WNK2: variants seen among roughly 807,000 people sequenced by gnomAD.
WNK2 encodes the protein WNK lysine deficient protein kinase 2.
Under a neutral mutation model 192.1 loss-of-function variants are expected in WNK2, and 67 were observed. The ratio of observed to expected loss-of-function variants is 0.35; its 90% CI spans 0.29 to 0.43. WNK2 has a LOEUF of 0.43. Ranked by LOEUF, WNK2 falls within the 20% of genes least tolerant of loss-of-function variation. The pLI, the probability that WNK2 is intolerant of heterozygous loss-of-function variation, is 1.00. For synonymous variants in WNK2, 1,439 were observed against 1,393.9 expected (o/e 1.03, Z -0.72); for missense variants, 2,698 against 3,089.7 (o/e 0.87, Z 3.01).
At chr9:93,237,768 G>A (rs111814871) in intron 5 of WNK2, among the ~76,000 whole-genome samples, 90 of 152,302 alleles carry the variant, frequency 5.9e-4, no homozygotes, top group African/African-American at 1.9e-3. Context: ...TTCTTCACCC[G>A]GCCCTGTGGC....
At chr9:93,264,985 C>G (rs1443108944) in intron 16 of WNK2, among the ~76,000 whole-genome samples, 1 of 152,254 alleles carries the variant, frequency 6.6e-6, no homozygotes, top group Non-Finnish European at 1.5e-5. Context: ...TCGTGAAAGC[C>G]TCATGTGGGC....
At chr9:93,281,363 G>C (rs1484669097) in intron 19 of WNK2, among the ~76,000 whole-genome samples, 1 of 88,120 alleles carries the variant, frequency 1.1e-5, no homozygotes, top group Non-Finnish European at 2.7e-5. Context: ...CAAAGAATTA[G>C]AAACTATGCC....
At position 93,299,089 on chromosome 9, in the gene WNK2, C is replaced by G; in HGVS notation, c.5943C>G (p.Ser1981Arg). ...GCCCAGGTCACTTGGCTGACTCCAG[C>G]AGAGGCCCTCCCGCTAAGGACCCTG... ...ASSTGHLADS[S>R]RGPPAKDPAQ... Residue 1981 changes from serine (S) to arginine (R), a missense_variant, in exon 25 of 30, where the codon AGC becomes AGG. Around this residue, in one of 7 missense-constraint regions of WNK2, gnomAD observed 1,098 missense variants for 1,101.0 expected, o/e 1.00. Transcript: ENST00000427277. 6.2e-7 allele frequency: 1 copy of G among 1,610,640 alleles called. No individual in the cohort carries two copies. The highest frequency in any genetic ancestry group is 8.5e-7 in the Non-Finnish European group (1 of 1,179,478).
intron 8 of WNK2, among the ~76,000 whole-genome samples, chr9:93,248,626 A>G (rs1465901563): frequency 6.6e-6 from 1 of 152,134 alleles, no homozygotes; most frequent in Non-Finnish European, 1.5e-5. Context: ...TCTCCCTTCT[A>G]AGGCAGAACC....
At chr9:93,189,069 A>C (rs1329929453) in intron 2 of WNK2, among the ~76,000 whole-genome samples, 2 of 152,204 alleles carry the variant, frequency 1.3e-5, no homozygotes, top group African/African-American at 2.4e-5. Context: ...CCCCAGGTTG[A>C]GAAAACATAG....
At position 93,295,708 on chromosome 9, in the gene WNK2, C is replaced by T. The variant is rs114423251; in HGVS notation, c.5709-2145C>T. ...CCCCATCCTCTCCTCTCCATCCTCC[C>T]GTCACCATCCTCCCCTCACCTTCCT... On this transcript the variant is annotated intron_variant, in intron 23 of 29. Transcript: ENST00000427277. Among the ~76,000 whole-genome samples the T allele has an allele frequency of 7.9e-3, 1,192 of 151,452 alleles. 18 individuals carry two copies. Among genetic ancestry groups the T allele is most frequent in the African/African-American group, 0.027 (1,128 of 41,112 alleles).
At chr9:93,270,710 C>A (rs1845877555) in intron 19 of WNK2, among the ~76,000 whole-genome samples, 1 of 152,174 alleles carries the variant, frequency 6.6e-6, no homozygotes, top group South Asian at 2.1e-4. Flanking sequence ...AGAGAGAGAA[C>A]CCCTCCCCAT....
chr9:93,201,396 C>G (rs992100124), intron 2 of WNK2, among the ~76,000 whole-genome samples: 4 of 152,222 alleles, frequency 2.6e-5, no homozygotes, highest in African/African-American at 7.2e-5. Flanking sequence ...TGCGTGCCTT[C>G]CTGGTTGGGG....
At chr9:93,267,171 T>C (rs1361985313) in intron 16 of WNK2, 1 of 153,056 alleles carries the variant, frequency 6.5e-6, no homozygotes, top group Non-Finnish European at 1.5e-5. Context: ...CAGGCCACGC[T>C]TGCCTGTGTG....
At chr9:93,186,188 G>A (rs1829302480) in intron 2 of WNK2, among the ~76,000 whole-genome samples, 1 of 152,210 alleles carries the variant, frequency 6.6e-6, no homozygotes, top group Admixed American at 6.5e-5. Flanking sequence ...GAGCTCTGGG[G>A]ACAGCTGGGC....
At chr9:93,320,317 G>A (rs1261831616) in intron 29 of WNK2, 50 bp from the exon 30 acceptor site, 2 of 1,366,890 alleles carry the variant, frequency 1.5e-6, no homozygotes, top group African/African-American at 3.0e-5. Context: ...CTTGGCGAGT[G>A]GCCAGCACTG....
chr9:93,289,126 C>T lies in WNK2; in HGVS notation c.4372C>T (p.Pro1458Ser). Reference protein sequence around the residue: ...PLVVGLAPCTPAPEAASTRDA... With the variant: ...PLVVGLAPCTSAPEAASTRDA... The stretch of plus-strand genomic sequence containing the variant: ...CGTGGTGGGCCTAGCACCTTGCACT[C>T]CAGCTCCAGAGGCTGCCTCAACCAG... The change falls in exon 20 of 30, where the codon CCA becomes TCA. Residue 1458 changes from proline (P) to serine (S), a missense_variant. Physicochemically the swap from Pro to Ser is moderately conservative, Grantham distance 74. Transcript: ENST00000427277. 1 of 1,603,584 alleles carries T rather than the reference C, an allele frequency of 6.2e-7. No individual in the cohort carries two copies.
chr9:93,218,751 G>C (rs976457296), intron 2 of WNK2, among the ~76,000 whole-genome samples: 2 of 152,240 alleles, frequency 1.3e-5, no homozygotes, highest in East Asian at 1.9e-4. Flanking sequence ...GTCCATGTTG[G>C]GGGTGTGTGT....
chr9:93,224,359 G>A (rs531269911), intron 2 of WNK2, among the ~76,000 whole-genome samples: 20 of 152,222 alleles, frequency 1.3e-4, no homozygotes, highest in South Asian at 2.1e-4. Flanking sequence ...TGGCCCTGAA[G>A]TGTCATAGGA....
In WNK2 at chr9:93,185,442, C is replaced by T; in HGVS notation, c.513C>T (p.Asp171=). The T allele has an allele frequency of 6.2e-7, 1 of 1,612,156 alleles. No homozygotes were observed. The highest frequency in any genetic ancestry group is 8.5e-7 in the Non-Finnish European group (1 of 1,179,634). ...AKPEPGRTRR[D]EPEEEEDDED... is the part of the protein sequence containing the mutation. ...CTGAGCCCGGGCGCACTCGCCGGGA[C>T]GAGCCCGAAGAGGAGGAGGACGACG... Residue 171 remains aspartate (D), a synonymous_variant, in exon 2 of 30, where the codon GAC becomes GAT. Coordinates refer to ENST00000427277, the MANE Select transcript of WNK2 (RefSeq NM_006648.4).
chr9:93,235,791 C>T (rs1408465782), intron 5 of WNK2, among the ~76,000 whole-genome samples: 1 of 152,218 alleles, frequency 6.6e-6, no homozygotes, highest in Non-Finnish European at 1.5e-5. Flanking sequence ...GCCGCGCTGC[C>T]CCTCAGTGCT....
At chr9:93,306,310 C>T (rs1157759863) in intron 26 of WNK2, among the ~76,000 whole-genome samples, 1 of 152,178 alleles carries the variant, frequency 6.6e-6, no homozygotes, top group African/African-American at 2.4e-5. Context: ...TATCTTTTTG[C>T]ACTTGGAAAA....
chr9:93,263,927 C>G lies in WNK2; in HGVS notation c.3590C>G (p.Thr1197Ser). ...TGCTGCCCCTTCCAGGTGTGCAACA[C>G]TGGGGACAAGATGGTGGAGTGCCAG... is the stretch of plus-strand genomic sequence containing the variant. Reference protein sequence around the residue: ...PRLTILNVCNTGDKMVECQLE... With the variant: ...PRLTILNVCNSGDKMVECQLE... Residue 1197 changes from threonine to serine, a missense_variant, in exon 16 of 30, where the codon ACT becomes AGT. Physicochemically the swap from Thr to Ser is moderately conservative, Grantham distance 58 (BLOSUM62 1). This residue lies in a region of WNK2 where 893 missense variants were observed against 909.0 expected (regional missense o/e 0.98). Transcript: ENST00000427277. 1.9e-6 allele frequency: 3 copies of G among 1,612,786 alleles called. No individual in the cohort carries two copies. Among genetic ancestry groups the G allele is most frequent in the Non-Finnish European group, 2.5e-6 (3 of 1,179,638 alleles).
chr9:93,308,939 C>G (rs910702163), intron 28 of WNK2: 28 of 1,114,854 alleles, frequency 2.5e-5, no homozygotes, highest in Middle Eastern at 3.9e-4. Context: ...TGCCTGAGTT[C>G]TGTTTGTGCC....
Sources: allele counts gnomAD v4.1 joint callset (sites outside exome capture counted in the v4.1 genomes callset), GRCh38; gene constraint gnomAD v4.1.1; regional missense constraint gnomAD v4.1.1; transcripts MANE v1.5; gene names NCBI Gene and HGNC (gene_info 2026-07-23, HGNC 2026-07-21).